The following KCNIP4 variants were observed in gnomAD, a reference collection of about 807,000 sequenced individuals.
KCNIP4 encodes the protein potassium voltage-gated channel interacting protein 4.
KCNIP4 carries 12 observed loss-of-function variants against 34.0 expected under a neutral mutation model. The observed-to-expected ratio is 0.35, with a 90% CI of 0.23 to 0.57. The LOEUF (loss-of-function observed/expected upper bound fraction) is 0.57. Ranked by LOEUF, KCNIP4 falls within the 20% of genes least tolerant of loss-of-function variation. KCNIP4 has a pLI of 0.83. For synonymous variants in KCNIP4, 124 were observed against 102.2 expected (o/e 1.21, Z -1.29); for missense variants, 238 against 311.7 (o/e 0.76, Z 1.78).
intron 1 of KCNIP4, among the ~76,000 whole-genome samples, chr4:21,445,490 C>T (rs548041737): frequency 1.6e-3 from 243 of 152,306 alleles, no homozygotes; most frequent in African/African-American, 5.1e-3. Context: ...ACTATCTGAT[C>T]TTTGACAAAC....
At chr4:21,663,614 T>C (rs1179468209) in intron 1 of KCNIP4, among the ~76,000 whole-genome samples, 5 of 152,178 alleles carry the variant, frequency 3.3e-5, no homozygotes, top group African/African-American at 7.2e-5. Context: ...ATCCTGACCT[T>C]GCTTGTTCTA....
intron 1 of KCNIP4, among the ~76,000 whole-genome samples, chr4:21,947,868 A>G (rs754020625): frequency 1.3e-5 from 2 of 152,178 alleles, no homozygotes; most frequent in Non-Finnish European, 2.9e-5. Flanking sequence ...ATCGTCTCCT[A>G]TTTCTCTATG....
chr4:21,370,882 C>CACACACGTGTGTGT (rs367553482), intron 1 of KCNIP4, among the ~76,000 whole-genome samples: 1 of 39,366 alleles, frequency 2.5e-5, no homozygotes, highest in Non-Finnish European at 4.8e-5. Context: ...CACACACACA[C>CACACACGTGTGTGT]GTGTGTGTGT....
At chr4:21,749,215 A>G (rs912457813) in intron 1 of KCNIP4, among the ~76,000 whole-genome samples, 16 of 152,140 alleles carry the variant, frequency 1.1e-4, no homozygotes, top group Non-Finnish European at 2.2e-4. Flanking sequence ...TTTCCTCCCT[A>G]TTAGAGCAGA....
chr4:21,779,783 C>T (rs1241348473), intron 1 of KCNIP4, among the ~76,000 whole-genome samples: 2 of 151,924 alleles, frequency 1.3e-5, no homozygotes. Flanking sequence ...AAAAATTAGC[C>T]AGGCATGGTG....
chr4:21,608,636 C>T (rs1432996051), intron 1 of KCNIP4, among the ~76,000 whole-genome samples: 1 of 152,138 alleles, frequency 6.6e-6, no homozygotes, highest in African/African-American at 2.4e-5. Context: ...ATCACATCTG[C>T]CAGGTCTTTT....
intron 1 of KCNIP4, among the ~76,000 whole-genome samples, chr4:21,278,074 A>G (rs193275464): frequency 6.6e-6 from 1 of 152,268 alleles, no homozygotes; most frequent in African/African-American, 2.4e-5. Context: ...TTTAATTGAG[A>G]GTGAAAATCT....
intron 1 of KCNIP4, among the ~76,000 whole-genome samples, chr4:20,963,960 CA>C (rs1232626708): frequency 6.6e-6 from 1 of 152,016 alleles, no homozygotes; most frequent in African/African-American, 2.4e-5. Flanking sequence ...TTAGATGTGG[CA>C]AAAGTGTGGT....
At chr4:20,854,726 T>G (rs192711931) in intron 2 of KCNIP4, among the ~76,000 whole-genome samples, 16 of 152,252 alleles carry the variant, frequency 1.1e-4, no homozygotes, top group Admixed American at 9.8e-4. Context: ...AAATAAAATG[T>G]TCATATTAGG....
At chr4:21,535,014 T>C (rs1737031107) in intron 1 of KCNIP4, among the ~76,000 whole-genome samples, 1 of 152,172 alleles carries the variant, frequency 6.6e-6, no homozygotes, top group African/African-American at 2.4e-5. Context: ...ATTCCATTTT[T>C]TCCATTCGCT....
intron 1 of KCNIP4, among the ~76,000 whole-genome samples, chr4:21,339,745 G>A (rs1269410502): frequency 1.3e-5 from 2 of 152,152 alleles, no homozygotes; most frequent in African/African-American, 2.4e-5. Context: ...GAAACAAAAG[G>A]CATGATAGGC....
At chr4:21,595,756 G>A (rs925344924) in intron 1 of KCNIP4, among the ~76,000 whole-genome samples, 1 of 151,990 alleles carries the variant, frequency 6.6e-6, no homozygotes, top group African/African-American at 2.4e-5. Context: ...CATCATCACT[G>A]GTCATTAGAG....
chr4:21,476,132 G>T (rs1186632550), intron 1 of KCNIP4, among the ~76,000 whole-genome samples: 2 of 152,132 alleles, frequency 1.3e-5, no homozygotes, highest in Non-Finnish European at 1.5e-5. Flanking sequence ...TTCACTTCAG[G>T]TGTTTTTATC....
At chr4:20,747,474 A>C (rs1176395054) in intron 5 of KCNIP4, among the ~76,000 whole-genome samples, 3 of 152,200 alleles carry the variant, frequency 2.0e-5, no homozygotes, top group Non-Finnish European at 4.4e-5. Context: ...CAAAGTTACT[A>C]TCATGGAGTG....
intron 1 of KCNIP4, among the ~76,000 whole-genome samples, chr4:21,073,350 A>AGGTCCTTC (rs1423453657): frequency 6.6e-6 from 1 of 152,134 alleles, no homozygotes; most frequent in Non-Finnish European, 1.5e-5. Context: ...CTCCTTGAAG[A>AGGTCCTTC]GGTCCTTCAC....
chr4:21,929,538 C>A (rs1729447337), intron 1 of KCNIP4, among the ~76,000 whole-genome samples: 1 of 152,136 alleles, frequency 6.6e-6, no homozygotes, highest in African/African-American at 2.4e-5. Flanking sequence ...CGCCATCGTT[C>A]TCCACTACTC....
intron 1 of KCNIP4, among the ~76,000 whole-genome samples, chr4:21,419,357 G>C (rs908971283): frequency 6.6e-6 from 1 of 151,852 alleles, no homozygotes; most frequent in Non-Finnish European, 1.5e-5. Flanking sequence ...CCAGGAAAAT[G>C]ATGATGATGA....
At chr4:21,269,041 G>A (rs1165666364) in intron 1 of KCNIP4, among the ~76,000 whole-genome samples, 1 of 152,208 alleles carries the variant, frequency 6.6e-6, no homozygotes, top group African/African-American at 2.4e-5. Context: ...AAGGGGTTAA[G>A]CCAGAACAGT....
At chr4:20,905,228 T>C (rs1204241294) in intron 1 of KCNIP4, among the ~76,000 whole-genome samples, 1 of 152,160 alleles carries the variant, frequency 6.6e-6, no homozygotes, top group African/African-American at 2.4e-5. Flanking sequence ...TCTTTTTGTC[T>C]TGTATCGATG....
Sources: gnomAD v4.1 joint callset for allele counts (sites outside exome capture counted in the v4.1 genomes callset) on GRCh38, gnomAD v4.1.1 for gene constraint, MANE v1.5 for transcripts, NCBI Gene and HGNC (gene_info 2026-07-23, HGNC 2026-07-21) for gene names.